DNAAF1: variants seen among roughly 807,000 people sequenced by gnomAD.
DNAAF1 encodes dynein assembly factor 1, axonemal.
In DNAAF1, 65 loss-of-function variants were observed where a neutral mutation model predicts 71.1. The observed-to-expected ratio is 0.91, with a 90% CI of 0.75 to 1.12. DNAAF1 has a LOEUF of 1.12. Among genes scored for constraint, DNAAF1 ranks in the 50% most tolerant of loss-of-function variants. DNAAF1 has a pLI of 0.00. For synonymous variants in DNAAF1, 414 were observed against 354.6 expected (o/e 1.17, Z -1.88); for missense variants, 1,178 against 899.8 (o/e 1.31, Z -3.96).
intron 6 of DNAAF1, among the ~76,000 whole-genome samples, chr16:84,164,569 C>A (rs2087873929): frequency 6.6e-6 from 1 of 152,194 alleles, no homozygotes; most frequent in Admixed American, 6.5e-5. Flanking sequence ...AGTTAGGCTT[C>A]TTCCATGACT....
In DNAAF1 at chr16:84,145,695, C is replaced by T. The variant is rs989127705; in HGVS notation, c.124+131C>T. 8 of 1,219,080 alleles carry T rather than the reference C, an allele frequency of 6.6e-6. No individual in the cohort carries two copies. The African/African-American group carries it at 1.1e-4, about 16-fold the overall frequency. The allele number at this position is 1,219,080 out of a possible 1,614,324, so 75.5% of individuals were successfully genotyped here. A position where few individuals can be genotyped will look rare whatever the true frequency, so the allele number is the denominator to read the frequency against. On this transcript the variant is annotated intron_variant, in intron 1 of 11. Transcript: ENST00000378553. ...CAATAATAATAATGGTAGCAAGCAA[C>T]GCTCTGCAGTAGGGGCTTCTCTCGC...
chr16:84,157,466 C>T (rs1163532669), intron 5 of DNAAF1, among the ~76,000 whole-genome samples: 1 of 150,168 alleles, frequency 6.7e-6, no homozygotes, highest in East Asian at 2.0e-4. Flanking sequence ...TTGCAGTGAG[C>T]CGAGATCTCA....
intron 8 of DNAAF1, among the ~76,000 whole-genome samples, chr16:84,171,287 C>G (rs1216383391): frequency 2.6e-5 from 4 of 152,034 alleles, no homozygotes; most frequent in Non-Finnish European, 5.9e-5. Flanking sequence ...ACCCCCAAGC[C>G]TCTACAAAAA....
chr16:84,176,131 T>C lies in DNAAF1; in HGVS notation c.1897T>C (p.Leu633=). ...CTTTAAAAAAGAAGCTAAGAGGGAC[T>C]TGGAAATCCGAAAACAAGACACCAA... The part of the protein sequence containing the change: ...DIFKKEAKRD[L]EIRKQDTKSP... Residue 633 remains leucine, a synonymous_variant, in exon 11 of 12, where the codon TTG becomes CTG. Coordinates refer to ENST00000378553, the MANE Select transcript of DNAAF1 (RefSeq NM_178452.6). 3 of 1,613,912 alleles carry C rather than the reference T, an allele frequency of 1.9e-6. No homozygotes were observed. Among genetic ancestry groups the C allele is most frequent in the African/African-American group, 1.3e-5 (1 of 74,978 alleles).
intron 4 of DNAAF1, among the ~76,000 whole-genome samples, chr16:84,155,336 C>G (rs1413823885): frequency 1.3e-5 from 2 of 152,174 alleles, no homozygotes; most frequent in African/African-American, 4.8e-5. Context: ...TCAAGCGATC[C>G]TCCCACGTCA....
chr16:84,171,116 A>T (rs1307409186), intron 8 of DNAAF1, among the ~76,000 whole-genome samples: 1 of 152,120 alleles, frequency 6.6e-6, no homozygotes, highest in Non-Finnish European at 1.5e-5. Context: ...ATCAGAGCAC[A>T]GGACCCAAGG....
intron 5 of DNAAF1, 97 bp downstream of exon 5, chr16:84,155,846 C>T: frequency 1.4e-6 from 2 of 1,447,078 alleles, no homozygotes; most frequent in South Asian, 2.4e-5. Flanking sequence ...TCTCTCCTTC[C>T]TGCCTTCCTT....
chr16:84,168,038 A>G (rs1045612941), intron 7 of DNAAF1, among the ~76,000 whole-genome samples: 4 of 151,920 alleles, frequency 2.6e-5, no homozygotes, highest in African/African-American at 9.7e-5. Context: ...AAACCCCACA[A>G]ATCTGTTTTA....
rs530440123 is a variant in DNAAF1 at position 84,155,143 on chromosome 16, C to T, written c.574+345C>T. ...CAGGATGGTCTCGATCTCCTGACCT[C>T]GTGATCCGCCCGCCTTGGCCTCCCA... On this transcript the variant is annotated intron_variant, in intron 4 of 11. Coordinates refer to ENST00000378553, the MANE Select transcript of DNAAF1 (RefSeq NM_178452.6). Among the ~76,000 whole-genome samples the T allele has an allele frequency of 1.7e-4, 26 of 152,270 alleles. 1 individual carries two copies. In the East Asian group the frequency reaches 3.7e-3, roughly 22 times the overall value.
Position 84,159,796 on chromosome 16 carries a change from G to A in DNAAF1, c.863G>A (p.Arg288Lys), listed in dbSNP as rs772422420. The part of the protein sequence containing the change: ...LDDRPVFPKD[R>K]ACAEAWARGG... ...GATAGACCAGTGTTTCCAAAGGACAGGTAAGAAGAGAAAAGCCTTCTGATC... is the reference window on the plus strand; with the variant it reads ...GATAGACCAGTGTTTCCAAAGGACAAGTAAGAAGAGAAAAGCCTTCTGATC... Residue 288 changes from arginine to lysine, a missense_variant and splice_region_variant, in exon 6 of 12, where the codon AGA (arginine) becomes AAA (lysine). By Grantham distance (26) the Arg-to-Lys change is conservative (BLOSUM62 2). Coordinates refer to ENST00000378553, the MANE Select transcript of DNAAF1 (RefSeq NM_178452.6). The A allele has an allele frequency of 1.2e-6, 2 of 1,613,560 alleles. No individual in the cohort carries two copies. Among genetic ancestry groups the A allele is most frequent in the Non-Finnish European group, 1.7e-6 (2 of 1,179,746 alleles).
At chr16:84,170,858 T>TTAAAAAG (rs1182907886) in intron 8 of DNAAF1, among the ~76,000 whole-genome samples, 1 of 151,834 alleles carries the variant, frequency 6.6e-6, no homozygotes. Flanking sequence ...AATAAATTAA[T>TTAAAAAG]TAAAAAGTAA....
At chr16:84,170,683 T>C (rs1024616263) in intron 8 of DNAAF1, among the ~76,000 whole-genome samples, 1 of 152,066 alleles carries the variant, frequency 6.6e-6, no homozygotes, top group South Asian at 2.1e-4. Flanking sequence ...ACTACAAAAA[T>C]TAGCTGGGAA....
In DNAAF1 at chr16:84,169,848, T is replaced by G. The variant is rs200286840; in HGVS notation, c.1031-11T>G. On this transcript the variant is annotated splice_polypyrimidine_tract_variant and intron_variant, in intron 7 of 11. Transcript: ENST00000378553. The stretch of plus-strand genomic sequence containing the variant: ...CACTCCCACATTCACCTTTGCATTT[T>G]CTGCCATTAGGGGAGATGACATCTT... 9 of 1,613,382 alleles carry G rather than the reference T, an allele frequency of 5.6e-6. No individual in the cohort carries two copies. In the Middle Eastern group the frequency reaches 9.3e-4, roughly 167 times the overall value.
At chr16:84,177,671 C>T in intron 11 of DNAAF1, 58 bp from the exon 12 acceptor site, 1 of 1,482,038 alleles carries the variant, frequency 6.7e-7, no homozygotes, top group East Asian at 2.3e-5. Context: ...AAGGCTGCCC[C>T]CCTGTCCTTG....
intron 3 of DNAAF1, 81 bp from the exon 4 acceptor site, chr16:84,154,496 T>A: frequency 8.2e-7 from 1 of 1,225,578 alleles, no homozygotes; most frequent in South Asian, 1.2e-5. Flanking sequence ...CAGTTCCTAA[T>A]AGTAGGCAAA....
At position 84,169,989 on chromosome 16, in the gene DNAAF1, C is replaced by G. The variant is rs36062234; in HGVS notation, c.1161C>G (p.Asp387Glu). The G allele has an allele frequency of 0.035, 56,085 of 1,613,912 alleles. 1,829 individuals are homozygous for G. Among genetic ancestry groups the G allele is most frequent in the African/African-American group, 0.16 (12,331 of 75,012 alleles). Residue 387 changes from aspartate (D) to glutamate (E), a missense_variant, in exon 8 of 12, where the codon GAC (aspartate) becomes GAG (glutamate). Transcript: ENST00000378553. ...TTAAGGAAAGCTTTGAGGCCAAGGA[C>G]GAGCTCTGCCCGGAAAAGCCAAGTG... ...LFVKESFEAK[D>E]ELCPEKPSGE...
intron 5 of DNAAF1, among the ~76,000 whole-genome samples, chr16:84,157,590 C>T (rs1262940466): frequency 6.6e-6 from 1 of 151,694 alleles, no homozygotes; most frequent in South Asian, 2.1e-4. Flanking sequence ...TTTGAGTCCT[C>T]GCTAGTAGCC....
intron 9 of DNAAF1, chr16:84,173,394 G>C: frequency 1.3e-6 from 1 of 754,332 alleles, no homozygotes; most frequent in Non-Finnish European, 1.6e-6. Flanking sequence ...AACCTGGGAG[G>C]TGGAGCTTGC....
At chr16:84,177,386 C>G in intron 11 of DNAAF1, 1 of 358,898 alleles carries the variant, frequency 2.8e-6, no homozygotes, top group East Asian at 7.1e-5. Flanking sequence ...AGCAATTCTC[C>G]TGCCTCCGCC....
Sources: allele counts gnomAD v4.1 joint callset (sites outside exome capture counted in the v4.1 genomes callset), GRCh38; gene constraint gnomAD v4.1.1; transcripts MANE v1.5; gene names NCBI Gene and HGNC (gene_info 2026-07-23, HGNC 2026-07-21).